CHMP1A: variants seen among roughly 807,000 people sequenced by gnomAD.
CHMP1A encodes the protein charged multivesicular body protein 1A, also known as VPS46 homolog A.
CHMP1A carries 17 observed loss-of-function variants against 27.0 expected under a neutral mutation model. The ratio of observed to expected loss-of-function variants is 0.63; its 90% CI spans 0.43 to 0.95. CHMP1A has a LOEUF of 0.95. Among genes scored for constraint, CHMP1A ranks in the 40% least tolerant of loss-of-function variants. The pLI is 0.00. For missense variants in CHMP1A, 275 were observed against 264.0 expected, an observed-to-expected ratio of 1.04 and a Z score of -0.29; for synonymous variants, 131 against 107.5, an observed-to-expected ratio of 1.22 and a Z score of -1.35.
At position 89,657,676 on chromosome 16, in the gene CHMP1A, AAGCTGCACCCG is replaced by A; in HGVS notation, c.-99_-89del. On this transcript the variant is annotated 5_prime_UTR_variant, in exon 1 of 7. Coordinates refer to ENST00000397901, the MANE Select transcript of CHMP1A (RefSeq NM_002768.5). ...GGTCCCGGCGGCGATCGAACCGACC[AAGCTGCACCCG>A]GCGGGGACTTCCGGGGTCGCCGCCC... is the stretch of plus-strand genomic sequence containing the variant. The A allele has an allele frequency of 6.4e-7, 1 of 1,561,292 alleles. No individual in the cohort carries two copies. The highest frequency in any genetic ancestry group is 8.7e-7 in the Non-Finnish European group (1 of 1,144,038).
intron 1 of CHMP1A, among the ~76,000 whole-genome samples, chr16:89,655,413 TCAGCTTTCCCTCAC>T (rs1211755535): frequency 6.7e-6 from 1 of 150,264 alleles, no homozygotes; most frequent in Non-Finnish European, 1.5e-5. Context: ...TTCCCTCACC[TCAGCTTTCCCTCAC>T]CTCAGCTCTC....
chr16:89,655,105 G>A lies in CHMP1A; in HGVS notation c.8-1182C>T, dbSNP rs114869430. ...CTGTAAAAGAATGAGGTTACTGAGTGTTCACAAATGCACACCAAGGCTCCA... is the reference window on the plus strand; with the variant it reads ...CTGTAAAAGAATGAGGTTACTGAGTATTCACAAATGCACACCAAGGCTCCA... On this transcript the variant is annotated intron_variant, in intron 1 of 6. Coordinates refer to ENST00000397901, the MANE Select transcript of CHMP1A (RefSeq NM_002768.5). Among the ~76,000 whole-genome samples the A allele has an allele frequency of 3.0e-3, 451 of 152,280 alleles. 2 individuals are homozygous for A. Among genetic ancestry groups the A allele is most frequent in the African/African-American group, 0.01 (434 of 41,560 alleles).
Position 89,645,810 on chromosome 16 carries a change from TC to T in CHMP1A, c.*255del. ...AAAGTCCACAGGGCCCCTCTTGGCC[TC>T]CCCGCTGTGGGCCCAGAGTCACAGA... On this transcript the variant is annotated 3_prime_UTR_variant, in exon 7 of 7. Coordinates refer to ENST00000397901, the MANE Select transcript of CHMP1A (RefSeq NM_002768.5). The T allele has an allele frequency of 8.5e-7, 1 of 1,181,318 alleles. No individual in the cohort carries two copies. The highest frequency in any genetic ancestry group is 2.9e-5 in the East Asian group (1 of 33,986). The allele number at this position is 1,181,318 out of a possible 1,614,324, so 73.2% of individuals were successfully genotyped here.
chr16:89,649,457 G>A lies in CHMP1A; in HGVS notation c.146C>T (p.Ala49Val). 6.2e-7 allele frequency: 1 copy of A among 1,613,696 alleles called. No homozygotes were observed. The highest frequency in any genetic ancestry group is 8.5e-7 in the Non-Finnish European group (1 of 1,179,866). Reference protein sequence around the residue: ...QKNVECARVYAENAIRKKNEG... With the variant: ...QKNVECARVYVENAIRKKNEG... ...GTTCTTCTTGCGGATGGCGTTCTCGGCATACACACGGGCACACTCTACATT... is the reference window on the plus strand; with the variant it reads ...GTTCTTCTTGCGGATGGCGTTCTCGACATACACACGGGCACACTCTACATT... Residue 49 changes from alanine (A) to valine (V), a missense_variant, in exon 4 of 7, where the codon GCC becomes GTC. Physicochemically the swap from Ala to Val is moderately conservative, Grantham distance 64. Transcript: ENST00000397901.
intron 1 of CHMP1A, among the ~76,000 whole-genome samples, chr16:89,656,281 C>T (rs1390359174): frequency 2.0e-5 from 3 of 152,272 alleles, no homozygotes; most frequent in Middle Eastern, 3.4e-3. Context: ...GGACTACAGG[C>T]ACCCGCCACC....
intron 5 of CHMP1A, 35 bp downstream of exon 5, chr16:89,647,168 C>A: frequency 6.2e-7 from 1 of 1,603,220 alleles, no homozygotes; most frequent in Non-Finnish European, 8.5e-7. Flanking sequence ...GCTCCTTGTC[C>A]CCAGGCCACA....
chr16:89,654,221 G>C (rs1168628926), intron 1 of CHMP1A, among the ~76,000 whole-genome samples: 7 of 152,244 alleles, frequency 4.6e-5, no homozygotes, highest in Non-Finnish European at 1.0e-4. Context: ...TGTGAGGACA[G>C]AAGAGGTCAT....
rs200606123 is a variant in CHMP1A, at chr16:89,649,456, G to T, written c.147C>A (p.Ala49=). ...CGTTCTTCTTGCGGATGGCGTTCTC[G>T]GCATACACACGGGCACACTCTACAT... ...QKNVECARVY[A]ENAIRKKNEG... is the part of the protein sequence containing the mutation. The change falls in exon 4 of 7, where the codon GCC becomes GCA. Residue 49 remains alanine (A), a synonymous_variant. Coordinates refer to ENST00000397901, the MANE Select transcript of CHMP1A (RefSeq NM_002768.5). The T allele has an allele frequency of 1.2e-6, 2 of 1,613,550 alleles. No individual in the cohort carries two copies. Among genetic ancestry groups the T allele is most frequent in the South Asian group, 2.2e-5 (2 of 91,084 alleles).
chr16:89,648,396 CG>C (rs1259402309), intron 4 of CHMP1A, among the ~76,000 whole-genome samples: 1 of 123,972 alleles, frequency 8.1e-6, no homozygotes, highest in Non-Finnish European at 1.8e-5. Context: ...AAAAGGCCGC[CG>C]ACGTGGGGAC....
Position 89,646,024 on chromosome 16 carries a change from G to C in CHMP1A, c.*42C>G. ...GTGGGGAGAGGACAGGAGCCTTCCA[G>C]CACATCACGGGGCAGAGGCGGTGCA... On this transcript the variant is annotated 3_prime_UTR_variant, in exon 7 of 7. Coordinates refer to ENST00000397901, the MANE Select transcript of CHMP1A (RefSeq NM_002768.5). 6.2e-7 allele frequency: 1 copy of C among 1,605,628 alleles called. No individual in the cohort carries two copies. Among genetic ancestry groups the C allele is most frequent in the Non-Finnish European group, 8.5e-7 (1 of 1,176,898 alleles).
At chr16:89,654,992 T>C (rs1324254906) in intron 1 of CHMP1A, among the ~76,000 whole-genome samples, 1 of 152,036 alleles carries the variant, frequency 6.6e-6, no homozygotes. Flanking sequence ...TTGATCTCAA[T>C]TCATTCAACT....
At chr16:89,651,862 C>A (rs116742829) in intron 2 of CHMP1A, among the ~76,000 whole-genome samples, 1 of 152,382 alleles carries the variant, frequency 6.6e-6, no homozygotes, top group African/African-American at 2.4e-5. Flanking sequence ...GAGGAAGCTG[C>A]CTGCTCTGCC....
chr16:89,657,458 C>G, intron 1 of CHMP1A, 124 bp downstream of exon 1: 1 of 1,230,858 alleles, frequency 8.1e-7, no homozygotes, highest in Non-Finnish European at 1.1e-6. Flanking sequence ...CCCGGGGGAT[C>G]GACGGTCGAG....
At chr16:89,657,252 C>T (rs2059888455) in intron 1 of CHMP1A, among the ~76,000 whole-genome samples, 1 of 141,394 alleles carries the variant, frequency 7.1e-6, no homozygotes, top group African/African-American at 2.7e-5. Context: ...GGTCGAGGCC[C>T]GGGAAAAGGG....
intron 1 of CHMP1A, among the ~76,000 whole-genome samples, chr16:89,656,376 A>T (rs1044128111): frequency 6.6e-6 from 1 of 151,858 alleles, no homozygotes; most frequent in African/African-American, 2.4e-5. Flanking sequence ...TGACCTTGCG[A>T]TCCGCCGGCC....
intron 2 of CHMP1A, among the ~76,000 whole-genome samples, chr16:89,653,002 C>CA (rs1568003970): frequency 9.0e-5 from 12 of 132,626 alleles, no homozygotes. Context: ...CCCAAGTTGT[C>CA]TTTTTTTTTT....
At chr16:89,649,887 G>T (rs1028884295) in intron 3 of CHMP1A, among the ~76,000 whole-genome samples, 1 of 152,116 alleles carries the variant, frequency 6.6e-6, no homozygotes, top group African/African-American at 2.4e-5. Context: ...TAGGAGCCCA[G>T]TGTTGAGGCG....
chr16:89,655,534 T>C (rs2059858335), intron 1 of CHMP1A, among the ~76,000 whole-genome samples: 1 of 152,226 alleles, frequency 6.6e-6, no homozygotes, highest in African/African-American at 2.4e-5. Context: ...AAAACCCAGC[T>C]AAGGCAAAAT....
At chr16:89,654,961 TA>T (rs1374911841) in intron 1 of CHMP1A, among the ~76,000 whole-genome samples, 67 of 151,312 alleles carry the variant, frequency 4.4e-4, no homozygotes, top group African/African-American at 1.4e-3. Flanking sequence ...AAAGAAAAAA[TA>T]TTTTTTTTAA....
Sources: gnomAD v4.1 joint callset for allele counts (sites outside exome capture counted in the v4.1 genomes callset) on GRCh38, gnomAD v4.1.1 for gene constraint, MANE v1.5 for transcripts, NCBI Gene and HGNC (gene_info 2026-07-23, HGNC 2026-07-21) for gene names.